ZNF783: variants seen among roughly 807,000 people sequenced by gnomAD.
ZNF783 encodes zinc finger protein 783.
Under a neutral mutation model 31.3 loss-of-function variants are expected in ZNF783, and 25 were observed. The observed-to-expected ratio is 0.80, with a 90% CI of 0.58 to 1.11. The LOEUF is 1.11. ZNF783 is among the 50% of genes most tolerant of loss of function. The pLI, the probability that ZNF783 is intolerant of heterozygous loss-of-function variation, is 0.00. For missense variants in ZNF783, 797 were observed against 760.0 expected, an observed-to-expected ratio of 1.05 and a Z score of -0.57; for synonymous variants, 369 against 319.1, an observed-to-expected ratio of 1.16 and a Z score of -1.66.
intron 4 of ZNF783, 67 bp downstream of exon 4, chr7:149,267,289 C>G: frequency 2.0e-6 from 3 of 1,516,510 alleles, no homozygotes; most frequent in Admixed American, 2.2e-5. Flanking sequence ...CCTACCCTCT[C>G]GGGCTTCCCA....
chr7:149,265,956 C>T (rs576338048), intron 1 of ZNF783, among the ~76,000 whole-genome samples: 2 of 152,148 alleles, frequency 1.3e-5, no homozygotes, highest in South Asian at 4.2e-4. Flanking sequence ...CTCTGTGCCA[C>T]AAAGCCTTGT....
chr7:149,281,116 C>T (rs543051108), intron 5 of ZNF783, among the ~76,000 whole-genome samples: 37 of 152,334 alleles, frequency 2.4e-4, no homozygotes, highest in African/African-American at 8.9e-4. Context: ...CATTGTCTTT[C>T]ACAGATGGTA....
At position 149,284,038 on chromosome 7, in the gene ZNF783, AAGTTCAGACTGCCTC is replaced by A. The variant is rs71194637; in HGVS notation, c.*1712_*1726del. The A allele has an allele frequency of 6.6e-6, 1 of 151,846 alleles. No homozygotes were observed. Among genetic ancestry groups the A allele is most frequent in the East Asian group, 1.9e-4 (1 of 5,176 alleles). The allele number at this position is 151,846 out of a possible 1,614,324, so 9.4% of individuals were successfully genotyped here. ...CCAAAGCATGAGATTCGGACTGTAG[AAGTTCAGACTGCCTC>A]AGTTCAGACTGCCTCATGGGGCAGT... On this transcript the variant is annotated 3_prime_UTR_variant, in exon 6 of 6. Coordinates refer to ENST00000434415, the MANE Select transcript of ZNF783 (RefSeq NM_001195220.2).
At position 149,266,347 on chromosome 7, in the gene ZNF783, G is replaced by C; in HGVS notation, c.37G>C (p.Asp13His). The C allele has an allele frequency of 6.3e-7, 1 of 1,581,228 alleles. No individual in the cohort carries two copies. Among genetic ancestry groups the C allele is most frequent in the Non-Finnish European group, 8.5e-7 (1 of 1,170,402 alleles). The change falls in exon 2 of 6, where the codon GAC (aspartate) becomes CAC (histidine). Residue 13 changes from aspartate to histidine, a missense_variant. Physicochemically the swap from Asp to His is moderately conservative, Grantham distance 81. Transcript: ENST00000434415. ...TTCTTGTGAGCAGGACCCCGAGACA[G>C]ACAAGCACACAGAGGACCAGAGTCC... ...EAAPARDPET[D>H]KHTEDQSPST...
intron 4 of ZNF783, among the ~76,000 whole-genome samples, chr7:149,271,656 T>C (rs1309216183): frequency 1.3e-5 from 2 of 152,234 alleles, no homozygotes; most frequent in Non-Finnish European, 2.9e-5. Flanking sequence ...GTTTGCGAAG[T>C]CAAAATGATT....
chr7:149,264,005 T>C (rs957561873), intron 1 of ZNF783, among the ~76,000 whole-genome samples: 4 of 152,150 alleles, frequency 2.6e-5, no homozygotes, highest in African/African-American at 9.7e-5. Context: ...ACTGCTTCAC[T>C]ACCTTTCAGA....
At chr7:149,269,203 G>A (rs774383765) in intron 4 of ZNF783, among the ~76,000 whole-genome samples, 10 of 152,180 alleles carry the variant, frequency 6.6e-5, no homozygotes, top group Non-Finnish European at 1.2e-4. Context: ...TAGTGATGGT[G>A]AGCATTTTTT....
At chr7:149,281,131 A>T (rs1797456598) in intron 5 of ZNF783, among the ~76,000 whole-genome samples, 1 of 152,072 alleles carries the variant, frequency 6.6e-6, no homozygotes, top group South Asian at 2.1e-4. Context: ...ATGGTAACTA[A>T]TGTCACCAGA....
intron 1 of ZNF783, among the ~76,000 whole-genome samples, chr7:149,262,786 G>A (rs1228127380): frequency 6.6e-6 from 1 of 152,258 alleles, no homozygotes; most frequent in Non-Finnish European, 1.5e-5. Flanking sequence ...TATTAGAGGC[G>A]GGAGCCTCAC....
Position 149,282,226 on chromosome 7 carries a change from C to G in ZNF783, c.1524C>G (p.His508Gln). Residue 508 changes from histidine to glutamine, a missense_variant, in exon 6 of 6, where the codon CAC becomes CAG. By Grantham distance (24) the His-to-Gln change is conservative. Transcript: ENST00000434415. ...QCGRTFNRNHHLAVHMQTHAR... is the reference protein window; with the variant it reads ...QCGRTFNRNHQLAVHMQTHAR... ...GCCGGACCTTCAACCGCAACCACCA[C>G]CTGGCCGTGCACATGCAGACCCACG... 2 of 1,598,646 alleles carry G rather than the reference C, an allele frequency of 1.3e-6. No homozygotes were observed. Among genetic ancestry groups the G allele is most frequent in the Non-Finnish European group, 1.7e-6 (2 of 1,179,536 alleles).
intron 1 of ZNF783, among the ~76,000 whole-genome samples, chr7:149,265,219 T>G (rs190884677): frequency 6.6e-6 from 1 of 152,300 alleles, no homozygotes; most frequent in Non-Finnish European, 1.5e-5. Flanking sequence ...AACAAGGCTT[T>G]TAGCAGCACC....
intron 1 of ZNF783, among the ~76,000 whole-genome samples, chr7:149,263,745 G>C (rs1243851368): frequency 2.6e-5 from 4 of 152,024 alleles, no homozygotes; most frequent in African/African-American, 7.3e-5. Context: ...GCTTGTAAAG[G>C]CTCAATAGAT....
intron 1 of ZNF783, 43 bp downstream of exon 1, chr7:149,262,400 G>A: frequency 8.2e-7 from 1 of 1,213,500 alleles, no homozygotes. Context: ...GGCCCAGGCC[G>A]CCGCCGCGTG....
rs367591262 is a variant in ZNF783 at position 149,279,694 on chromosome 7, G to A, written c.802+1167G>A. 2.8e-3 allele frequency among the ~76,000 whole-genome samples: 370 copies of A among 131,964 alleles called. 3 individuals carry two copies. The East Asian group carries it at 0.041, about 15-fold the overall frequency. 86.6% of individuals were successfully genotyped at this position (131,964 alleles called of 152,430 possible). ...TATTGATCATTCTTGGGTGTTTCTCGCAGAGGGGGATTTGGCAGGGTCATA... is the reference window on the plus strand; with the variant it reads ...TATTGATCATTCTTGGGTGTTTCTCACAGAGGGGGATTTGGCAGGGTCATA... On this transcript the variant is annotated intron_variant, in intron 5 of 5. Coordinates refer to ENST00000434415, the MANE Select transcript of ZNF783 (RefSeq NM_001195220.2).
chr7:149,284,247 G>A lies in ZNF783; in HGVS notation c.*1904G>A, dbSNP rs7789911. ...CCACGCTTCAGGGCTGCTTCTGGGG[G>A]TCTTGGTCCCTGGATGTGCCATTTC... On this transcript the variant is annotated 3_prime_UTR_variant, in exon 6 of 6. Coordinates refer to ENST00000434415, the MANE Select transcript of ZNF783 (RefSeq NM_001195220.2). The A allele has an allele frequency of 0.082, 12,501 of 152,360 alleles. 541 individuals carry two copies. Among genetic ancestry groups the A allele is most frequent in the African/African-American group, 0.1 (4,360 of 41,546 alleles). The allele number at this position is 152,360 out of a possible 1,614,324, so 9.4% of individuals were successfully genotyped here.
rs1297561970 is a variant in ZNF783 at position 149,266,869 on chromosome 7, G to A, written c.471G>A (p.Trp157Ter). ...CCGTGTATTTCTCTGAGCTGGAGTG[G>A]GGCAAGCTGGAGGACTGGCAGAAGG... ...DVAVYFSELE[W>*]GKLEDWQKEL... is the part of the protein sequence containing the mutation. The change falls in exon 3 of 6, where the codon TGG (tryptophan) becomes TGA (stop). Residue 157 changes from tryptophan (W) to a stop codon, truncating the protein, a stop_gained. Transcript: ENST00000434415. LOFTEE classifies it high-confidence loss of function. The A allele has an allele frequency of 6.2e-7, 1 of 1,613,978 alleles. No homozygotes were observed. Among genetic ancestry groups the A allele is most frequent in the African/African-American group, 1.3e-5 (1 of 74,866 alleles).
chr7:149,281,459 A>AGTC, intron 5 of ZNF783, 46 bp from the exon 6 acceptor site: 1 of 1,407,486 alleles, frequency 7.1e-7, no homozygotes, highest in Non-Finnish European at 9.2e-7. Context: ...CCTGGGGGAC[A>AGTC]GGGTGGTGAG....
intron 4 of ZNF783, chr7:149,275,485 TG>T (rs1756413812): frequency 6.9e-6 from 1 of 145,584 alleles, no homozygotes; most frequent in Non-Finnish European, 1.5e-5. Flanking sequence ...GCTAATTTTT[TG>T]TGTTTTTTTT....
At chr7:149,274,461 G>C (rs1334821323) in intron 4 of ZNF783, among the ~76,000 whole-genome samples, 1 of 151,872 alleles carries the variant, frequency 6.6e-6, no homozygotes, top group Admixed American at 6.6e-5. Flanking sequence ...CGCCTTGCAG[G>C]CTCAAGCAAT....
Sources: gnomAD v4.1 joint callset for allele counts (sites outside exome capture counted in the v4.1 genomes callset) on GRCh38, gnomAD v4.1.1 for gene constraint, MANE v1.5 for transcripts, NCBI Gene and HGNC (gene_info 2026-07-23, HGNC 2026-07-21) for gene names.